The following NKAIN2 variants were observed in gnomAD, a reference collection of about 807,000 sequenced individuals.
NKAIN2 encodes sodium/potassium-transporting ATPase subunit beta-1-interacting protein 2.
A neutral mutation model predicts 32.6 loss-of-function variants in NKAIN2; 14 were observed. That is an observed-to-expected ratio of 0.43 (90% CI 0.28 to 0.67). The LOEUF (loss-of-function observed/expected upper bound fraction) is 0.67, where lower values mean the gene tolerates loss of function less well. Ranked by LOEUF, NKAIN2 falls within the 30% of genes least tolerant of loss-of-function variation. The pLI is 0.17. For missense variants in NKAIN2, 198 were observed against 258.3 expected, an observed-to-expected ratio of 0.77 and a Z score of 1.60; for synonymous variants, 80 against 87.2, an observed-to-expected ratio of 0.92 and a Z score of 0.46.
At chr6:124,730,639 C>T (rs1204977855) in intron 4 of NKAIN2, among the ~76,000 whole-genome samples, 7 of 142,338 alleles carry the variant, frequency 4.9e-5, no homozygotes, top group African/African-American at 5.2e-5. Context: ...CCATTCAGGA[C>T]ATAGGCATGG....
chr6:124,009,865 C>A (rs186781498), intron 1 of NKAIN2, among the ~76,000 whole-genome samples: 3 of 152,090 alleles, frequency 2.0e-5, no homozygotes, highest in Admixed American at 6.6e-5. Context: ...GACAAAGACT[C>A]CCATTTTATA....
chr6:124,572,700 C>T (rs1781173604), intron 3 of NKAIN2, among the ~76,000 whole-genome samples: 1 of 151,256 alleles, frequency 6.6e-6, no homozygotes, highest in Non-Finnish European at 1.5e-5. Flanking sequence ...GTATAGAGTT[C>T]ATCCCAGAAA....
In NKAIN2 at chr6:124,513,663, A is replaced by C. The variant is rs1469758557; in HGVS notation, c.274-144523A>C. Reference sequence around the variant, plus strand: ...CACCTCCAATGGTTTTGGTGGGTTAAATGAAGTTTGAAAGCCAATAGTGGA... The same window carrying C: ...CACCTCCAATGGTTTTGGTGGGTTACATGAAGTTTGAAAGCCAATAGTGGA... On this transcript the variant is annotated intron_variant, in intron 3 of 6. Coordinates refer to ENST00000368417, the MANE Select transcript of NKAIN2 (RefSeq NM_001040214.3). 2.6e-5 allele frequency among the ~76,000 whole-genome samples: 4 copies of C among 152,304 alleles called. No individual in the cohort carries two copies. In the East Asian group the frequency reaches 7.7e-4, roughly 29 times the overall value.
intron 1 of NKAIN2, among the ~76,000 whole-genome samples, chr6:123,978,545 A>ACTACT (rs1562289283): frequency 2.0e-5 from 3 of 152,206 alleles, no homozygotes; most frequent in African/African-American, 7.2e-5. Flanking sequence ...GAAATGTACA[A>ACTACT]CTACTCTTTC....
At chr6:124,580,357 AT>A (rs1781476041) in intron 3 of NKAIN2, among the ~76,000 whole-genome samples, 1 of 152,212 alleles carries the variant, frequency 6.6e-6, no homozygotes, top group Non-Finnish European at 1.5e-5. Flanking sequence ...TGGGGAACAA[AT>A]TCAAGTGTGA....
intron 4 of NKAIN2, among the ~76,000 whole-genome samples, chr6:124,717,121 G>A (rs1009776022): frequency 1.3e-5 from 2 of 152,158 alleles, no homozygotes; most frequent in South Asian, 4.1e-4. Flanking sequence ...GCCCCACCTT[G>A]ACACTTTCTC....
chr6:124,650,997 T>C lies in NKAIN2; in HGVS notation c.274-7189T>C, dbSNP rs1267055463. Among the ~76,000 whole-genome samples the C allele has an allele frequency of 2.0e-5, 3 of 152,080 alleles. No homozygotes were observed. The East Asian group carries it at 5.8e-4, about 29-fold the overall frequency. ...CAAAACAAGTTATCTATTTCCAAAA[T>C]ACAATGGTGGGACAGACATAAGGTA... is the stretch of plus-strand genomic sequence containing the variant. On this transcript the variant is annotated intron_variant, in intron 3 of 6. Coordinates refer to ENST00000368417, the MANE Select transcript of NKAIN2 (RefSeq NM_001040214.3).
At chr6:124,798,018 T>C (rs1407897208) in intron 5 of NKAIN2, among the ~76,000 whole-genome samples, 2 of 152,092 alleles carry the variant, frequency 1.3e-5, no homozygotes, top group Admixed American at 1.3e-4. Flanking sequence ...CCTTCCTTCC[T>C]TCCTTCCTCC....
chr6:124,349,320 A>C (rs143214251), intron 2 of NKAIN2, among the ~76,000 whole-genome samples: 1,753 of 152,152 alleles, frequency 0.012, 38 homozygotes, highest in African/African-American at 0.039. Flanking sequence ...GAACTTCCCG[A>C]GGCTCCACCC....
intron 1 of NKAIN2, among the ~76,000 whole-genome samples, chr6:123,855,656 G>A (rs1482105842): frequency 6.6e-6 from 1 of 152,128 alleles, no homozygotes; most frequent in Non-Finnish European, 1.5e-5. Context: ...GCCATGTCTG[G>A]GGATAATGGA....
At chr6:124,267,519 T>TA (rs1354975685) in intron 1 of NKAIN2, among the ~76,000 whole-genome samples, 1 of 149,766 alleles carries the variant, frequency 6.7e-6, no homozygotes, top group African/African-American at 2.4e-5. Flanking sequence ...GTATTTTTCC[T>TA]AAACAACATC....
chr6:124,657,863 G>A (rs535113072), intron 3 of NKAIN2, among the ~76,000 whole-genome samples: 1 of 152,084 alleles, frequency 6.6e-6, no homozygotes, highest in East Asian at 1.9e-4. Context: ...CCTTTGTAAT[G>A]GGAAAGACCC....
intron 1 of NKAIN2, among the ~76,000 whole-genome samples, chr6:123,941,061 T>A (rs1271007471): frequency 6.6e-6 from 1 of 151,906 alleles, no homozygotes; most frequent in Admixed American, 6.6e-5. Flanking sequence ...CTTTTTAAAC[T>A]TTTTTGGTTA....
Position 124,791,929 on chromosome 6 carries a change from C to A in NKAIN2, c.535+530C>A, listed in dbSNP as rs1266874658. Among the ~76,000 whole-genome samples the A allele has an allele frequency of 5.3e-5, 8 of 152,240 alleles. No homozygotes were observed. The East Asian group carries it at 1.4e-3, about 26-fold the overall frequency. On this transcript the variant is annotated intron_variant, in intron 5 of 6. Transcript: ENST00000368417. ...TACTATTTGACACAAATGGCTAGAA[C>A]TCTAACTATGTCAAAGTCTCAACAT...
chr6:124,516,120 A>G (rs923893925), intron 3 of NKAIN2, among the ~76,000 whole-genome samples: 1 of 152,174 alleles, frequency 6.6e-6, no homozygotes, highest in African/African-American at 2.4e-5. Flanking sequence ...GCTTAATTCT[A>G]GTGGAGCAAG....
At chr6:124,611,944 C>A (rs1782705761) in intron 3 of NKAIN2, among the ~76,000 whole-genome samples, 1 of 152,040 alleles carries the variant, frequency 6.6e-6, no homozygotes, top group East Asian at 1.9e-4. Context: ...TTATATTCTA[C>A]AATATGTGTA....
intron 1 of NKAIN2, among the ~76,000 whole-genome samples, chr6:123,812,043 C>T (rs778504778): frequency 1.1e-4 from 16 of 152,150 alleles, no homozygotes; most frequent in East Asian, 1.9e-4. Context: ...CTCTTATGCC[C>T]CCCACCGCCC....
chr6:124,024,724 C>T (rs890538689), intron 1 of NKAIN2, among the ~76,000 whole-genome samples: 2 of 152,144 alleles, frequency 1.3e-5, no homozygotes, highest in Admixed American at 6.6e-5. Flanking sequence ...CGTGGTGGCT[C>T]ATGCCTGTAA....
At chr6:124,567,849 C>T (rs1315581635) in intron 3 of NKAIN2, among the ~76,000 whole-genome samples, 2 of 151,992 alleles carry the variant, frequency 1.3e-5, no homozygotes, top group Non-Finnish European at 2.9e-5. Context: ...GCTTGTGAGC[C>T]ATACAAAAAC....
Sources: gnomAD v4.1 joint callset for allele counts (sites outside exome capture counted in the v4.1 genomes callset) on GRCh38, gnomAD v4.1.1 for gene constraint, MANE v1.5 for transcripts, NCBI Gene and HGNC (gene_info 2026-07-23, HGNC 2026-07-21) for gene names.